The following WWP2 variants were observed in gnomAD, a reference collection of about 807,000 sequenced individuals.
WWP2 encodes WW domain containing E3 ubiquitin protein ligase 2, also known as NEDD4-like E3 ubiquitin-protein ligase WWP2.
A neutral mutation model predicts 121.0 loss-of-function variants in WWP2; 57 were observed. That is an observed-to-expected ratio of 0.47 (90% CI 0.38 to 0.59). The LOEUF (loss-of-function observed/expected upper bound fraction) is 0.59. Among genes scored for constraint, WWP2 ranks in the 20% least tolerant of loss-of-function variants. The pLI is 0.00. For missense variants in WWP2, 962 were observed against 1,158.9 expected, an observed-to-expected ratio of 0.83 and a Z score of 2.47; for synonymous variants, 449 against 441.3, an observed-to-expected ratio of 1.02 and a Z score of -0.22.
At chr16:69,816,745 A>G (rs1054092188) in intron 4 of WWP2, among the ~76,000 whole-genome samples, 2 of 151,982 alleles carry the variant, frequency 1.3e-5, no homozygotes, top group African/African-American at 2.4e-5. Flanking sequence ...ACGTATACAT[A>G]TACACACGTA....
chr16:69,904,288 T>C (rs2151955916), intron 8 of WWP2, among the ~76,000 whole-genome samples: 1 of 152,276 alleles, frequency 6.6e-6, no homozygotes, highest in East Asian at 1.9e-4. Context: ...CACCAGCCTC[T>C]TGAGCTGGCA....
chr16:69,791,717 G>A (rs1447368431), intron 2 of WWP2, among the ~76,000 whole-genome samples: 1 of 152,086 alleles, frequency 6.6e-6, no homozygotes, highest in East Asian at 1.9e-4. Flanking sequence ...GATAGGTCTT[G>A]CTGTGCTGTC....
At chr16:69,770,461 G>A (rs1349102499) in intron 1 of WWP2, among the ~76,000 whole-genome samples, 3 of 152,100 alleles carry the variant, frequency 2.0e-5, no homozygotes, top group African/African-American at 7.2e-5. Context: ...CCTCAGAGAG[G>A]GCTTGGAGGC....
intron 6 of WWP2, among the ~76,000 whole-genome samples, chr16:69,859,918 CGACGACATACTT>C (rs1176193989): frequency 7.1e-6 from 1 of 140,398 alleles, no homozygotes; most frequent in South Asian, 2.6e-4. Flanking sequence ...CTGTGGTACA[CGACGACATACTT>C]GACGACATAC....
intron 2 of WWP2, among the ~76,000 whole-genome samples, chr16:69,789,507 C>T (rs1038189254): frequency 3.9e-5 from 6 of 152,180 alleles, no homozygotes; most frequent in South Asian, 2.1e-4. Context: ...GGATTACGGG[C>T]GTGAGCCACC....
chr16:69,931,044 A>G lies in WWP2; in HGVS notation c.1446-108A>G, dbSNP rs188396850. ...GACAGTCACTTCCTCACCTTACATTACTAATCTTTAAATTAACATAGCACC... is the reference window on the plus strand; with the variant it reads ...GACAGTCACTTCCTCACCTTACATTGCTAATCTTTAAATTAACATAGCACC... On this transcript the variant is annotated intron_variant, in intron 13 of 23. Coordinates refer to ENST00000359154, the MANE Select transcript of WWP2 (RefSeq NM_001270454.2). The G allele has an allele frequency of 2.5e-5, 26 of 1,034,094 alleles. No homozygotes were observed. In the African/African-American group the frequency reaches 3.5e-4, roughly 14 times the overall value. 64.1% of individuals were successfully genotyped at this position (1,034,094 alleles called of 1,614,324 possible).
chr16:69,910,865 T>C (rs1597147939), intron 9 of WWP2, among the ~76,000 whole-genome samples: 3 of 152,316 alleles, frequency 2.0e-5, no homozygotes, highest in South Asian at 4.1e-4. Flanking sequence ...ACACTACTAA[T>C]CAAGCTGTCT....
chr16:69,807,635 A>G (rs1194442070), intron 4 of WWP2, among the ~76,000 whole-genome samples: 4 of 147,338 alleles, frequency 2.7e-5, no homozygotes, highest in Non-Finnish European at 6.0e-5. Flanking sequence ...AAAAAAAAAA[A>G]AAAAAAAAAG....
At chr16:69,790,443 G>A (rs1309429571) in intron 2 of WWP2, among the ~76,000 whole-genome samples, 1 of 152,140 alleles carries the variant, frequency 6.6e-6, no homozygotes, top group African/African-American at 2.4e-5. Flanking sequence ...AGTAGCTGAG[G>A]AGGAGGAGGA....
intron 4 of WWP2, chr16:69,827,984 C>G (rs1313041319): frequency 2.2e-6 from 1 of 445,360 alleles, no homozygotes; most frequent in Non-Finnish European, 4.5e-6. Context: ...GGATCCACAG[C>G]TGGTTCCCGA....
chr16:69,923,101 G>A (rs2058586095), intron 10 of WWP2, among the ~76,000 whole-genome samples: 1 of 152,050 alleles, frequency 6.6e-6, no homozygotes, highest in Non-Finnish European at 1.5e-5. Flanking sequence ...TGTTGGCCAG[G>A]CTGGTCTCGA....
At chr16:69,854,474 G>A (rs1244838035) in intron 6 of WWP2, among the ~76,000 whole-genome samples, 1 of 152,112 alleles carries the variant, frequency 6.6e-6, no homozygotes, top group African/African-American at 2.4e-5. Flanking sequence ...CCTTTCTGGT[G>A]GCATTTAAAT....
intron 4 of WWP2, among the ~76,000 whole-genome samples, chr16:69,830,577 A>G (rs1159576427): frequency 6.6e-6 from 1 of 152,198 alleles, no homozygotes; most frequent in African/African-American, 2.4e-5. Context: ...AGACCAAGCC[A>G]GAGTTCTCAT....
rs149281174 is a variant in WWP2, at chr16:69,830,630, T to C, written c.341-9496T>C. 2.2e-3 allele frequency among the ~76,000 whole-genome samples: 339 copies of C among 152,172 alleles called. 2 individuals carry two copies. Among genetic ancestry groups the C allele is most frequent in the South Asian group, 5.6e-3 (27 of 4,818 alleles). ...GTAAGACCCTGCCAGAGTGTGAGTG[T>C]TGGGGGGCCGCGGGGAGGTGGAGTA... On this transcript the variant is annotated intron_variant, in intron 4 of 23. Transcript: ENST00000359154.
chr16:69,766,352 G>C (rs1042173619), intron 1 of WWP2, among the ~76,000 whole-genome samples: 1 of 152,216 alleles, frequency 6.6e-6, no homozygotes, highest in South Asian at 2.1e-4. Flanking sequence ...TTCCACCCTG[G>C]CTGGCCTTCA....
intron 17 of WWP2, among the ~76,000 whole-genome samples, chr16:69,934,939 G>T (rs1489492308): frequency 6.6e-6 from 1 of 152,178 alleles, no homozygotes; most frequent in Admixed American, 6.5e-5. Flanking sequence ...TAGACTGGCT[G>T]GTGCAGGGTG....
intron 9 of WWP2, among the ~76,000 whole-genome samples, chr16:69,913,427 G>A (rs1369880593): frequency 6.6e-6 from 1 of 151,960 alleles, no homozygotes; most frequent in African/African-American, 2.4e-5. Flanking sequence ...AGTTGGGCCT[G>A]GAAGGTTGAG....
chr16:69,844,780 G>A (rs2057039569), intron 6 of WWP2, among the ~76,000 whole-genome samples: 1 of 152,214 alleles, frequency 6.6e-6, no homozygotes, highest in Non-Finnish European at 1.5e-5. Context: ...TCTGCAGTCT[G>A]TTAGCTGCTG....
intron 12 of WWP2, 50 bp downstream of exon 12, chr16:69,929,579 A>G: frequency 1.3e-6 from 2 of 1,549,414 alleles, no homozygotes; most frequent in Non-Finnish European, 1.8e-6. Flanking sequence ...GTCTCTGTGC[A>G]GCTCCAGCAC....
Sources: gnomAD v4.1 joint callset for allele counts (sites outside exome capture counted in the v4.1 genomes callset) on GRCh38, gnomAD v4.1.1 for gene constraint, MANE v1.5 for transcripts, NCBI Gene and HGNC (gene_info 2026-07-23, HGNC 2026-07-21) for gene names.